The following GMDS variants were observed in gnomAD, a reference collection of about 807,000 sequenced individuals.
GMDS encodes the protein GDP-mannose 4,6-dehydratase, also known as GDP-mannose 4,6 dehydratase.
In GMDS, 20 loss-of-function variants were observed where a neutral mutation model predicts 49.9. The ratio of observed to expected loss-of-function variants is 0.40; its 90% CI spans 0.28 to 0.58. The LOEUF (loss-of-function observed/expected upper bound fraction) is 0.58. Among genes scored for constraint, GMDS ranks in the 20% least tolerant of loss-of-function variants. The probability of loss-of-function intolerance (pLI) is 0.42; values close to 1 mark genes in which losing one functional copy is unlikely to be tolerated. For synonymous variants in GMDS, 177 were observed against 178.6 expected, an observed-to-expected ratio of 0.99 and a Z score of 0.07; for missense variants, 362 against 481.4, an observed-to-expected ratio of 0.75 and a Z score of 2.32.
At chr6:1,935,479 T>C (rs1762482397) in intron 6 of GMDS, among the ~76,000 whole-genome samples, 1 of 152,226 alleles carries the variant, frequency 6.6e-6, no homozygotes, top group Non-Finnish European at 1.5e-5. Flanking sequence ...GTTAATGGTA[T>C]CTACAATTAA....
intron 7 of GMDS, among the ~76,000 whole-genome samples, chr6:1,912,276 C>T (rs1054113992): frequency 6.6e-6 from 1 of 152,076 alleles, no homozygotes; most frequent in Admixed American, 6.6e-5. Flanking sequence ...TGAGGCACGA[C>T]AATGGCTTGA....
At chr6:1,805,562 C>T (rs971632404) in intron 7 of GMDS, among the ~76,000 whole-genome samples, 1 of 152,188 alleles carries the variant, frequency 6.6e-6, no homozygotes, top group Non-Finnish European at 1.5e-5. Flanking sequence ...TTGGCATCCA[C>T]ATTCTTTCAC....
intron 4 of GMDS, among the ~76,000 whole-genome samples, chr6:2,012,893 T>A (rs1767646251): frequency 6.6e-6 from 1 of 152,052 alleles, no homozygotes; most frequent in Non-Finnish European, 1.5e-5. Context: ...GCAGTAACAG[T>A]TTTGAAATAC....
At chr6:2,136,019 G>C (rs1485035663) in intron 1 of GMDS, among the ~76,000 whole-genome samples, 1 of 152,122 alleles carries the variant, frequency 6.6e-6, no homozygotes, top group Non-Finnish European at 1.5e-5. Context: ...TAGTCTTATG[G>C]TGCCTAGGTT....
At chr6:1,749,285 G>A (rs1040528) in intron 7 of GMDS, among the ~76,000 whole-genome samples, 63,492 of 152,042 alleles carry the variant, frequency 0.42, 13,862 homozygotes, top group East Asian at 0.59. Context: ...GGTTATGCCA[G>A]TGACAATAAA....
chr6:1,703,726 C>T (rs1385700605), intron 9 of GMDS, among the ~76,000 whole-genome samples: 5 of 152,166 alleles, frequency 3.3e-5, no homozygotes, highest in African/African-American at 9.7e-5. Flanking sequence ...TGAAAGCAGC[C>T]CAGGGCTGAG....
chr6:1,642,324 G>A (rs911747323), intron 9 of GMDS, among the ~76,000 whole-genome samples: 5 of 151,836 alleles, frequency 3.3e-5, no homozygotes, highest in South Asian at 4.2e-4. Context: ...GTGCCACCAC[G>A]CCCGGCTAAT....
At chr6:2,135,453 G>A (rs1348576994) in intron 1 of GMDS, among the ~76,000 whole-genome samples, 2 of 152,166 alleles carry the variant, frequency 1.3e-5, no homozygotes, top group Non-Finnish European at 2.9e-5. Context: ...AGATCATGGA[G>A]CAATCAATCA....
chr6:2,236,652 G>A (rs139080206), intron 1 of GMDS, among the ~76,000 whole-genome samples: 140 of 152,186 alleles, frequency 9.2e-4, no homozygotes, highest in Non-Finnish European at 1.8e-3. Context: ...AATATAGTTC[G>A]AATAAAGCAA....
At chr6:1,704,741 C>T (rs11242717) in intron 9 of GMDS, among the ~76,000 whole-genome samples, 74,361 of 151,860 alleles carry the variant, frequency 0.49, 20,838 homozygotes, top group Middle Eastern at 0.73. Flanking sequence ...AAGAGAAATA[C>T]GTAAATTGGA....
At chr6:1,627,572 G>A (rs1762881363) in intron 9 of GMDS, among the ~76,000 whole-genome samples, 1 of 152,154 alleles carries the variant, frequency 6.6e-6, no homozygotes, top group South Asian at 2.1e-4. Flanking sequence ...CTCCAATAGG[G>A]TATAATCAGC....
chr6:1,856,631 G>A (rs1757947900), intron 7 of GMDS, among the ~76,000 whole-genome samples: 1 of 152,242 alleles, frequency 6.6e-6, no homozygotes, highest in African/African-American at 2.4e-5. Context: ...AGCTGTAGCG[G>A]ATCTGGACAA....
intron 9 of GMDS, among the ~76,000 whole-genome samples, chr6:1,698,576 C>T (rs558625288): frequency 4.6e-5 from 7 of 152,180 alleles, no homozygotes; most frequent in Admixed American, 2.6e-4. Flanking sequence ...ATGAGATGGC[C>T]GGGAGGTGAG....
intron 4 of GMDS, among the ~76,000 whole-genome samples, chr6:2,062,137 G>T (rs1771218024): frequency 6.6e-6 from 1 of 152,140 alleles, no homozygotes; most frequent in African/African-American, 2.4e-5. Flanking sequence ...AATATTCCCT[G>T]CAGCAGGTCC....
intron 4 of GMDS, among the ~76,000 whole-genome samples, chr6:2,042,494 T>C (rs1769746918): frequency 6.6e-6 from 1 of 152,022 alleles, no homozygotes; most frequent in African/African-American, 2.4e-5. Flanking sequence ...GCTATACACC[T>C]CTCTCCAAAG....
intron 4 of GMDS, among the ~76,000 whole-genome samples, chr6:1,978,440 A>T (rs1561941457): frequency 6.6e-6 from 1 of 152,156 alleles, no homozygotes. Context: ...GTCCTAGCCG[A>T]CTGAGGCAAA....
intron 4 of GMDS, among the ~76,000 whole-genome samples, chr6:2,052,765 C>T (rs1770500223): frequency 1.3e-5 from 2 of 152,292 alleles, no homozygotes; most frequent in South Asian, 4.2e-4. Flanking sequence ...TCCTCTAATA[C>T]CATCATGGGG....
chr6:2,128,866 T>G (rs1437995101), intron 1 of GMDS, among the ~76,000 whole-genome samples: 1 of 152,186 alleles, frequency 6.6e-6, no homozygotes, highest in African/African-American at 2.4e-5. Context: ...ACCTGAGATT[T>G]TCCCGGTCTG....
intron 6 of GMDS, among the ~76,000 whole-genome samples, chr6:1,959,074 A>G (rs1005324058): frequency 6.6e-6 from 1 of 152,244 alleles, no homozygotes; most frequent in African/African-American, 2.4e-5. Flanking sequence ...CTTCTAAATT[A>G]AGAGCTGACT....
Sources: allele counts gnomAD v4.1 joint callset (sites outside exome capture counted in the v4.1 genomes callset), GRCh38; gene constraint gnomAD v4.1.1; transcripts MANE v1.5; gene names NCBI Gene and HGNC (gene_info 2026-07-23, HGNC 2026-07-21).